Variants in FBXL2 observed in about 807,000 individuals in gnomAD.
FBXL2 encodes F-box/LRR-repeat protein 2.
A neutral mutation model predicts 69.2 loss-of-function variants in FBXL2; 38 were observed. That is an observed-to-expected ratio of 0.55 (90% CI 0.42 to 0.72). The LOEUF (loss-of-function observed/expected upper bound fraction) is 0.72, where lower values mean the gene tolerates loss of function less well. Ranked by LOEUF, FBXL2 falls within the 30% of genes least tolerant of loss-of-function variation. FBXL2 has a pLI of 0.00. For missense variants in FBXL2, 354 were observed against 520.3 expected (o/e 0.68, Z 3.11); for synonymous variants, 192 against 201.3 (o/e 0.95, Z 0.39).
chr3:33,321,778 T>C (rs2038246612), intron 2 of FBXL2, among the ~76,000 whole-genome samples: 1 of 152,220 alleles, frequency 6.6e-6, no homozygotes, highest in Non-Finnish European at 1.5e-5. Context: ...CTGTAGGCAC[T>C]TGTAGCAGAA....
chr3:33,353,097 A>G (rs924018069), intron 2 of FBXL2, among the ~76,000 whole-genome samples: 5 of 152,226 alleles, frequency 3.3e-5, no homozygotes, highest in Admixed American at 3.3e-4. Context: ...CTGTATACCT[A>G]TTAGAATGGG....
At position 33,277,530 on chromosome 3, in the gene FBXL2, C is replaced by T. The variant is rs900195245; in HGVS notation, c.3+15C>T. ...CTTCGGCCATGGTGAGTCTGGGACC[C>T]GCGTCTGCCTAGCTGCCCCGCCCTA... On this transcript the variant is annotated intron_variant, in intron 1 of 14. Transcript: ENST00000484457. 2.3e-6 allele frequency: 3 copies of T among 1,294,204 alleles called. No individual in the cohort carries two copies. Among genetic ancestry groups the T allele is most frequent in the Non-Finnish European group, 2.0e-6 (2 of 1,013,002 alleles). 80.2% of individuals were successfully genotyped at this position (1,294,204 alleles called of 1,614,324 possible).
intron 1 of FBXL2, among the ~76,000 whole-genome samples, chr3:33,285,184 G>T (rs535676721): frequency 1.3e-5 from 2 of 152,192 alleles, no homozygotes; most frequent in African/African-American, 2.4e-5. Context: ...GGTACTGGTT[G>T]TTCCTTTCCA....
intron 2 of FBXL2, among the ~76,000 whole-genome samples, chr3:33,311,357 C>T (rs1205453719): frequency 6.6e-6 from 1 of 152,016 alleles, no homozygotes; most frequent in Non-Finnish European, 1.5e-5. Flanking sequence ...AGCTTTCTAC[C>T]CGCCCCCACT....
intron 1 of FBXL2, among the ~76,000 whole-genome samples, chr3:33,290,168 A>G (rs899300499): frequency 7.9e-5 from 12 of 152,186 alleles, no homozygotes; most frequent in Non-Finnish European, 1.2e-4. Context: ...TGAAGCTTCA[A>G]CAGTGCTCAG....
intron 13 of FBXL2, among the ~76,000 whole-genome samples, chr3:33,380,399 A>C (rs935598356): frequency 6.7e-4 from 102 of 151,908 alleles, no homozygotes; most frequent in African/African-American, 2.4e-3. Context: ...TCTACTAAAA[A>C]TACAAAAAAT....
chr3:33,324,727 C>T (rs552050684), intron 2 of FBXL2, among the ~76,000 whole-genome samples: 5 of 152,208 alleles, frequency 3.3e-5, no homozygotes, highest in South Asian at 4.2e-4. Flanking sequence ...AGTTTGAAGT[C>T]GGGTAGTGTG....
At chr3:33,309,455 G>A (rs1296035065) in intron 2 of FBXL2, among the ~76,000 whole-genome samples, 1 of 151,426 alleles carries the variant, frequency 6.6e-6, no homozygotes, top group Admixed American at 6.6e-5. Context: ...ATTTCCATTT[G>A]CATGGAGTAT....
chr3:33,395,102 G>A (rs1397819980), intron 12 of FBXL2, among the ~76,000 whole-genome samples: 2 of 152,070 alleles, frequency 1.3e-5, no homozygotes, highest in East Asian at 3.8e-4. Context: ...TGATGTATAA[G>A]CTCTTGATGA....
At chr3:33,363,621 A>G (rs1304214277) in intron 4 of FBXL2, among the ~76,000 whole-genome samples, 1 of 152,202 alleles carries the variant, frequency 6.6e-6, no homozygotes, top group Non-Finnish European at 1.5e-5. Context: ...GGTCATTAAT[A>G]GTCGTGCTTG....
intron 2 of FBXL2, among the ~76,000 whole-genome samples, chr3:33,351,152 G>T (rs997387095): frequency 2.0e-5 from 3 of 152,012 alleles, no homozygotes; most frequent in African/African-American, 7.2e-5. Context: ...TGTAATCCCA[G>T]CTACTCAGGA....
downstream of FBXL2, chr3:33,392,781 G>A (rs1232955435): frequency 6.5e-6 from 4 of 617,040 alleles, no homozygotes; most frequent in Non-Finnish European, 1.1e-5. Flanking sequence ...GTGCTGCACT[G>A]CCTTGTGTTC....
downstream of FBXL2, chr3:33,390,537 A>G (rs58966197): frequency 7.7e-5 from 53 of 688,394 alleles, no homozygotes; most frequent in East Asian, 1.4e-3. Context: ...TTCCCCCAAA[A>G]AACTTCATGT....
At chr3:33,336,675 G>C (rs966935163) in intron 2 of FBXL2, among the ~76,000 whole-genome samples, 6 of 152,184 alleles carry the variant, frequency 3.9e-5, no homozygotes, top group Non-Finnish European at 1.5e-5. Flanking sequence ...GGGAGACCGA[G>C]GTGGGTGGAT....
chr3:33,394,837 T>TA (rs397961017), intron 12 of FBXL2, among the ~76,000 whole-genome samples: 11 of 150,182 alleles, frequency 7.3e-5, no homozygotes, highest in African/African-American at 2.2e-4. Flanking sequence ...TTTTTTTTTT[T>TA]AAATAAAGTT....
Position 33,373,714 on chromosome 3 carries a change from G to A in FBXL2, c.582+10G>A. ...GAGGGGCTGCACACAGGTACCAGAG[G>A]GTTGATACAGCTGTTTGTGTTATGT... On this transcript the variant is annotated intron_variant, in intron 8 of 14. Coordinates refer to ENST00000484457, the MANE Select transcript of FBXL2 (RefSeq NM_012157.5). 1 of 1,614,122 alleles carries A rather than the reference G, an allele frequency of 6.2e-7. No individual in the cohort carries two copies. Among genetic ancestry groups the A allele is most frequent in the Non-Finnish European group, 8.5e-7 (1 of 1,180,016 alleles).
At chr3:33,277,635 C>G in intron 1 of FBXL2, 120 bp downstream of exon 1, 1 of 1,075,972 alleles carries the variant, frequency 9.3e-7, no homozygotes, top group Middle Eastern at 3.4e-4. Context: ...GGCCGGGCCG[C>G]GGCCTGCGAG....
rs143621740 is a variant in FBXL2 at position 33,374,982 on chromosome 3, C to A, written c.658-306C>A. 4.9e-3 allele frequency among the ~76,000 whole-genome samples: 746 copies of A among 152,082 alleles called. 7 individuals carry two copies. Among genetic ancestry groups the A allele is most frequent in the African/African-American group, 0.016 (665 of 41,530 alleles). ...GAGTTTATAAATTTTATGAAAAAAT[C>A]TATATTTTGATGACTAGTGAGGGAG... On this transcript the variant is annotated intron_variant, in intron 9 of 14. Transcript: ENST00000484457.
chr3:33,283,942 C>G (rs554365459), intron 1 of FBXL2, among the ~76,000 whole-genome samples: 93 of 152,160 alleles, frequency 6.1e-4, no homozygotes, highest in South Asian at 1.5e-3. Context: ...TCTCTCTTTT[C>G]TTCTTTATTA....
Sources: allele counts gnomAD v4.1 joint callset (sites outside exome capture counted in the v4.1 genomes callset), GRCh38; gene constraint gnomAD v4.1.1; transcripts MANE v1.5; gene names NCBI Gene and HGNC (gene_info 2026-07-23, HGNC 2026-07-21).